The following PTPRT variants were observed in gnomAD, a reference collection of about 807,000 sequenced individuals.
The protein encoded by PTPRT is receptor-type tyrosine-protein phosphatase T.
A neutral mutation model predicts 176.8 loss-of-function variants in PTPRT; 56 were observed. The ratio of observed to expected loss-of-function variants is 0.32; its 90% CI spans 0.26 to 0.40. PTPRT has a LOEUF of 0.40. Ranked by LOEUF, PTPRT falls within the 10% of genes least tolerant of loss-of-function variation. The probability of loss-of-function intolerance (pLI) is 1.00; values close to 1 mark genes in which losing one functional copy is unlikely to be tolerated. For synonymous variants in PTPRT, 783 were observed against 739.0 expected, an observed-to-expected ratio of 1.06 and a Z score of -0.96; for missense variants, 1,540 against 1,908.2, an observed-to-expected ratio of 0.81 and a Z score of 3.60.
At chr20:42,032,369 C>T in the PTPRT span, among the ~76,000 whole-genome samples, 8 of 152,146 alleles carry the variant, frequency 5.3e-5, no homozygotes, top group South Asian at 2.1e-4. Flanking sequence ...AGCTCTTGGG[C>T]GAACAAACTT....
intron 12 of PTPRT, among the ~76,000 whole-genome samples, chr20:42,314,547 GAAAAGAAAAGA>G: frequency 8.5e-6 from 1 of 118,128 alleles, no homozygotes; most frequent in South Asian, 2.8e-4. Context: ...AAAAAAGAAA[GAAAAGAAAAGA>G]AAAGAAAAGA....
chr20:42,153,924 C>G (rs1397308666), intron 17 of PTPRT, among the ~76,000 whole-genome samples: 1 of 152,244 alleles, frequency 6.6e-6, no homozygotes, highest in Non-Finnish European at 1.5e-5. Flanking sequence ...CATGTGAGCT[C>G]TTTCCTGCTG....
chr20:42,468,937 T>G (rs2071145911), intron 8 of PTPRT, among the ~76,000 whole-genome samples: 1 of 152,224 alleles, frequency 6.6e-6, no homozygotes, highest in African/African-American at 2.4e-5. Context: ...ACACTGCCAC[T>G]TTTTGAGCAT....
At chr20:42,830,127 T>C (rs574399073) in intron 2 of PTPRT, among the ~76,000 whole-genome samples, 1 of 152,130 alleles carries the variant, frequency 6.6e-6, no homozygotes, top group South Asian at 2.1e-4. Context: ...TACAAAAACC[T>C]GGCAGAGACA....
intron 9 of PTPRT, among the ~76,000 whole-genome samples, chr20:42,376,411 G>A (rs184106327): frequency 3.7e-4 from 56 of 152,276 alleles, no homozygotes; most frequent in Non-Finnish European, 3.7e-4. Flanking sequence ...TGCACTCTAT[G>A]ACAGTGATCA....
chr20:43,158,823 G>A (rs1376154124), intron 1 of PTPRT, among the ~76,000 whole-genome samples: 2 of 152,196 alleles, frequency 1.3e-5, no homozygotes, highest in Non-Finnish European at 2.9e-5. Context: ...GACTCTAGCT[G>A]TGTGACCTTG....
chr20:42,299,565 T>C (rs1260783638), intron 12 of PTPRT, among the ~76,000 whole-genome samples: 5 of 151,350 alleles, frequency 3.3e-5, no homozygotes, highest in African/African-American at 1.2e-4. Context: ...AGAAGGGAAT[T>C]ACAGAAATGG....
At chr20:42,311,146 C>T (rs2057622143) in intron 12 of PTPRT, among the ~76,000 whole-genome samples, 1 of 152,078 alleles carries the variant, frequency 6.6e-6, no homozygotes, top group Non-Finnish European at 1.5e-5. Flanking sequence ...TTGTTCTCTC[C>T]CCCACTAGAA....
chr20:42,847,149 T>C (rs1429817070), intron 2 of PTPRT, among the ~76,000 whole-genome samples: 1 of 152,122 alleles, frequency 6.6e-6, no homozygotes, highest in African/African-American at 2.4e-5. Flanking sequence ...AAAGGGAATA[T>C]TTACAAAGGT....
At chr20:42,062,109 C>T in the PTPRT span, among the ~76,000 whole-genome samples, 13 of 152,114 alleles carry the variant, frequency 8.5e-5, no homozygotes, top group Admixed American at 2.0e-4. Context: ...ATCCAGCCCC[C>T]AGGATTGTTC....
At chr20:42,484,832 C>T (rs545945881) in intron 7 of PTPRT, among the ~76,000 whole-genome samples, 2 of 152,294 alleles carry the variant, frequency 1.3e-5, no homozygotes, top group East Asian at 1.9e-4. Flanking sequence ...TTCCACGTTC[C>T]CATCTTTGTC....
intron 1 of PTPRT, among the ~76,000 whole-genome samples, chr20:43,116,777 C>T (rs2013077564): frequency 6.6e-6 from 1 of 152,172 alleles, no homozygotes; most frequent in Non-Finnish European, 1.5e-5. Flanking sequence ...TTCATGTCTA[C>T]ATTTGCAACA....
intron 11 of PTPRT, among the ~76,000 whole-genome samples, chr20:42,317,236 G>GT (rs2057733895): frequency 6.6e-6 from 1 of 152,236 alleles, no homozygotes; most frequent in Non-Finnish European, 1.5e-5. Context: ...TTAGAAGGAT[G>GT]TAAGAAGATG....
chr20:42,978,848 A>T (rs1983112800), intron 1 of PTPRT, among the ~76,000 whole-genome samples: 1 of 152,210 alleles, frequency 6.6e-6, no homozygotes, highest in Admixed American at 6.5e-5. Context: ...GGCATTAATA[A>T]TCTATCCCTT....
chr20:42,737,243 G>A (rs1261227931), intron 6 of PTPRT, among the ~76,000 whole-genome samples: 1 of 152,202 alleles, frequency 6.6e-6, no homozygotes, highest in East Asian at 1.9e-4. Context: ...AACACACAGA[G>A]AGAAGAAGGC....
At chr20:42,043,765 A>G in the PTPRT span, among the ~76,000 whole-genome samples, 1 of 152,232 alleles carries the variant, frequency 6.6e-6, no homozygotes, top group African/African-American at 2.4e-5. Context: ...CACTTTTATC[A>G]TCTTACAGTG....
intron 7 of PTPRT, among the ~76,000 whole-genome samples, chr20:42,590,697 A>C (rs2073553271): frequency 6.6e-6 from 1 of 152,172 alleles, no homozygotes; most frequent in Non-Finnish European, 1.5e-5. Context: ...AATTAGATGA[A>C]GGAAAACAGA....
At chr20:42,999,326 G>T (rs1984398037) in intron 1 of PTPRT, among the ~76,000 whole-genome samples, 1 of 150,982 alleles carries the variant, frequency 6.6e-6, no homozygotes, top group Admixed American at 6.6e-5. Flanking sequence ...ATTATAAGGG[G>T]TTTTTATTTC....
At chr20:42,499,206 T>G (rs1191330133) in intron 7 of PTPRT, among the ~76,000 whole-genome samples, 12 of 152,156 alleles carry the variant, frequency 7.9e-5, no homozygotes, top group Admixed American at 7.9e-4. Context: ...AGTTATGATC[T>G]AATACTGCAT....
Sources: allele counts gnomAD v4.1 joint callset (sites outside exome capture counted in the v4.1 genomes callset), GRCh38; gene constraint gnomAD v4.1.1; transcripts MANE v1.5; gene names NCBI Gene and HGNC (gene_info 2026-07-23, HGNC 2026-07-21).